The following LRRTM4 variants were observed in gnomAD, a reference collection of about 807,000 sequenced individuals.
The protein encoded by LRRTM4 is leucine-rich repeat transmembrane neuronal protein 4.
In LRRTM4, 25 loss-of-function variants were observed where a neutral mutation model predicts 47.6. That is an observed-to-expected ratio of 0.53 (90% CI 0.38 to 0.73). The LOEUF is 0.73. Ranked by LOEUF, LRRTM4 falls within the 30% of genes least tolerant of loss-of-function variation. The pLI, the probability that LRRTM4 is intolerant of heterozygous loss-of-function variation, is 0.00. For missense variants in LRRTM4, 638 were observed against 713.4 expected (o/e 0.89, Z 1.20); for synonymous variants, 311 against 269.5 (o/e 1.15, Z -1.51).
chr2:77,426,072 G>A (rs963764502), intron 3 of LRRTM4, among the ~76,000 whole-genome samples: 7 of 149,170 alleles, frequency 4.7e-5, no homozygotes, highest in African/African-American at 1.5e-4. Flanking sequence ...CCGAGATTGC[G>A]CCACTGCACC....
chr2:76,902,547 A>C (rs1673675304), intron 3 of LRRTM4, among the ~76,000 whole-genome samples: 1 of 152,176 alleles, frequency 6.6e-6, no homozygotes, highest in Non-Finnish European at 1.5e-5. Context: ...GAATGTTAGA[A>C]ATTTGGGGGA....
chr2:77,482,595 A>G (rs188685156), intron 3 of LRRTM4, among the ~76,000 whole-genome samples: 65 of 152,228 alleles, frequency 4.3e-4, no homozygotes, highest in African/African-American at 1.5e-3. Context: ...AAATCATTAC[A>G]TAATATAAAG....
intron 3 of LRRTM4, among the ~76,000 whole-genome samples, chr2:77,121,456 T>C (rs958451502): frequency 6.6e-6 from 1 of 151,886 alleles, no homozygotes; most frequent in African/African-American, 2.4e-5. Context: ...TTAATTGTTA[T>C]GCTTCACATT....
intron 3 of LRRTM4, among the ~76,000 whole-genome samples, chr2:77,188,573 C>T (rs1673577520): frequency 6.6e-6 from 1 of 152,166 alleles, no homozygotes; most frequent in Non-Finnish European, 1.5e-5. Context: ...CTTTTATTGG[C>T]ATCTTCCTTT....
chr2:76,795,622 C>T (rs1051627178), intron 3 of LRRTM4, among the ~76,000 whole-genome samples: 7 of 150,364 alleles, frequency 4.7e-5, no homozygotes, highest in African/African-American at 1.7e-4. Flanking sequence ...TTTATCCATC[C>T]ATTGATGGAC....
At chr2:76,959,618 T>G (rs1266141990) in intron 3 of LRRTM4, among the ~76,000 whole-genome samples, 1 of 151,674 alleles carries the variant, frequency 6.6e-6, no homozygotes, top group Non-Finnish European at 1.5e-5. Flanking sequence ...AAAGACTTAC[T>G]CCTATTGGAA....
At chr2:76,763,255 T>G (rs1673328068) in intron 3 of LRRTM4, among the ~76,000 whole-genome samples, 1 of 152,196 alleles carries the variant, frequency 6.6e-6, no homozygotes, top group Non-Finnish European at 1.5e-5. Context: ...AATATTTGTG[T>G]TTCTCCAAAA....
At chr2:76,849,839 AAAGT>A (rs970580984) in intron 3 of LRRTM4, among the ~76,000 whole-genome samples, 9 of 152,220 alleles carry the variant, frequency 5.9e-5, no homozygotes, top group Admixed American at 1.3e-4. Context: ...TTTTTTTTAA[AAAGT>A]AAGTGCTAAT....
intron 3 of LRRTM4, among the ~76,000 whole-genome samples, chr2:77,137,957 G>T (rs971516542): frequency 6.6e-6 from 1 of 152,074 alleles, no homozygotes. Flanking sequence ...CAATACAGGA[G>T]CACCCAGATT....
chr2:77,329,636 G>A (rs1334861275), intron 3 of LRRTM4, among the ~76,000 whole-genome samples: 5 of 152,122 alleles, frequency 3.3e-5, no homozygotes. Context: ...GACTGAAGGT[G>A]CTCAGGTTAG....
rs373791671 is a variant in LRRTM4, at chr2:77,436,651, C to T, written c.1551+81667G>A. On this transcript the variant is annotated intron_variant, in intron 3 of 3. Transcript: ENST00000409884. ...TAGATGATTTAAATGGGTGACAACT[C>T]ACCATGCATAATCTTTTGATAATGA... Among the ~76,000 whole-genome samples the T allele has an allele frequency of 2.0e-4, 30 of 151,680 alleles. No homozygotes were observed. The East Asian group carries it at 5.4e-3, about 27-fold the overall frequency.
intron 3 of LRRTM4, among the ~76,000 whole-genome samples, chr2:76,868,013 C>G (rs1303155353): frequency 6.6e-6 from 1 of 152,110 alleles, no homozygotes; most frequent in Admixed American, 6.5e-5. Context: ...ACCAAGAAAG[C>G]CCTATTGAGT....
intron 3 of LRRTM4, among the ~76,000 whole-genome samples, chr2:77,492,397 T>G (rs2104049436): frequency 6.6e-6 from 1 of 152,290 alleles, no homozygotes; most frequent in East Asian, 1.9e-4. Context: ...GTATCTGGAC[T>G]ACAAGCACAT....
At chr2:76,941,336 T>TTC (rs1254847072) in intron 3 of LRRTM4, among the ~76,000 whole-genome samples, 1 of 152,178 alleles carries the variant, frequency 6.6e-6, no homozygotes, top group East Asian at 1.9e-4. Context: ...AAATTATACT[T>TTC]TAAGTTCTGG....
chr2:77,293,128 A>C (rs779674696), intron 3 of LRRTM4, among the ~76,000 whole-genome samples: 2 of 152,084 alleles, frequency 1.3e-5, no homozygotes, highest in Admixed American at 1.3e-4. Context: ...ACATATTTGG[A>C]AAGTAGAATG....
intron 3 of LRRTM4, among the ~76,000 whole-genome samples, chr2:77,151,659 T>C (rs1368000930): frequency 6.6e-6 from 1 of 152,256 alleles, no homozygotes; most frequent in East Asian, 1.9e-4. Context: ...TTAAACTAAA[T>C]CAAGTCAGTC....
rs1553434321 is a variant in LRRTM4, at chr2:77,362,100, G to GGAAAGAAAGAAAGAGA, written c.1551+156202_1551+156217dup. 1.0e-4 allele frequency among the ~76,000 whole-genome samples: 6 copies of GGAAAGAAAGAAAGAGA among 58,686 alleles called. No homozygotes were observed. The East Asian group carries it at 1.3e-3, about 13-fold the overall frequency. 38.5% of individuals were successfully genotyped at this position (58,686 alleles called of 152,430 possible). On this transcript the variant is annotated intron_variant, in intron 3 of 3. Transcript: ENST00000409884. ...TAGACTCAGTCTCAAAAAAGGAAAA[G>GGAAAGAAAGAAAGAGA]GAAAGAAAGAAAGAGAGAAAGAAAG... is the stretch of plus-strand genomic sequence containing the variant.
At chr2:77,433,944 A>G (rs1211042810) in intron 3 of LRRTM4, among the ~76,000 whole-genome samples, 2 of 152,134 alleles carry the variant, frequency 1.3e-5, no homozygotes, top group African/African-American at 4.8e-5. Context: ...TCATGCAAAG[A>G]GGCACAACAG....
chr2:77,014,747 G>T, intron 3 of LRRTM4, among the ~76,000 whole-genome samples: 1 of 152,074 alleles, frequency 6.6e-6, no homozygotes, highest in East Asian at 1.9e-4. Flanking sequence ...GGGAGGTGGA[G>T]GTTGCAGTGA....
Sources: allele counts gnomAD v4.1 joint callset (sites outside exome capture counted in the v4.1 genomes callset), GRCh38; gene constraint gnomAD v4.1.1; transcripts MANE v1.5; gene names NCBI Gene and HGNC (gene_info 2026-07-23, HGNC 2026-07-21).